Variants in KCNIP4 observed in about 807,000 individuals in gnomAD.
KCNIP4 encodes potassium voltage-gated channel interacting protein 4, also known as Kv channel-interacting protein 4.
A neutral mutation model predicts 34.0 loss-of-function variants in KCNIP4; 12 were observed. That is an observed-to-expected ratio of 0.35 (90% CI 0.23 to 0.57). The LOEUF is 0.57. Among genes scored for constraint, KCNIP4 ranks in the 20% least tolerant of loss-of-function variants. The pLI is 0.83. For synonymous variants in KCNIP4, 124 were observed against 102.2 expected (o/e 1.21, Z -1.29); for missense variants, 238 against 311.7 (o/e 0.76, Z 1.78).
chr4:20,899,015 CA>C (rs1038456525), intron 1 of KCNIP4, among the ~76,000 whole-genome samples: 1 of 151,958 alleles, frequency 6.6e-6, no homozygotes, highest in Non-Finnish European at 1.5e-5. Context: ...AAACTTATTG[CA>C]AAAAAGATTT....
At chr4:21,749,426 CTTTT>C (rs1456460300) in intron 1 of KCNIP4, among the ~76,000 whole-genome samples, 2 of 152,150 alleles carry the variant, frequency 1.3e-5, no homozygotes, top group Non-Finnish European at 2.9e-5. Context: ...CTCCAGTCTT[CTTTT>C]GTGTTCCAAT....
intron 1 of KCNIP4, among the ~76,000 whole-genome samples, chr4:21,883,489 T>C (rs886277987): frequency 2.0e-5 from 3 of 152,046 alleles, no homozygotes; most frequent in Non-Finnish European, 2.9e-5. Flanking sequence ...ATTAGACTGA[T>C]AAAGGTATAT....
chr4:21,463,718 C>A (rs1408232330), intron 1 of KCNIP4, among the ~76,000 whole-genome samples: 3 of 152,080 alleles, frequency 2.0e-5, no homozygotes, highest in Admixed American at 6.6e-5. Context: ...ATAATGCTAG[C>A]TCCTAGAATG....
chr4:21,603,698 TA>T (rs556634917), intron 1 of KCNIP4, among the ~76,000 whole-genome samples: 5,240 of 148,592 alleles, frequency 0.035, 99 homozygotes, highest in South Asian at 0.073. Context: ...GTAGCAATGA[TA>T]AAAAAAAAAA....
intron 1 of KCNIP4, among the ~76,000 whole-genome samples, chr4:21,868,335 T>C (rs1202233250): frequency 3.3e-5 from 5 of 152,208 alleles, no homozygotes; most frequent in Non-Finnish European, 7.3e-5. Flanking sequence ...GCATTTTATA[T>C]GTGTATATTG....
chr4:20,876,572 T>G (rs1265057232), intron 2 of KCNIP4, among the ~76,000 whole-genome samples: 1 of 135,110 alleles, frequency 7.4e-6, no homozygotes, highest in Non-Finnish European at 1.6e-5. Flanking sequence ...GGAAGAAATC[T>G]TTTTTTTTTT....
intron 3 of KCNIP4, among the ~76,000 whole-genome samples, chr4:20,818,553 C>T (rs1262639264): frequency 6.6e-6 from 1 of 152,160 alleles, no homozygotes; most frequent in East Asian, 1.9e-4. Context: ...GACAGAAGCG[C>T]TGTCTAATGA....
chr4:20,923,879 A>G (rs916759040), intron 1 of KCNIP4, among the ~76,000 whole-genome samples: 7 of 152,086 alleles, frequency 4.6e-5, no homozygotes, highest in Non-Finnish European at 8.8e-5. Flanking sequence ...TCAAAGTTCA[A>G]TGGACTCCAG....
intron 1 of KCNIP4, among the ~76,000 whole-genome samples, chr4:21,753,232 G>C (rs965590398): frequency 3.9e-5 from 6 of 152,136 alleles, no homozygotes; most frequent in African/African-American, 7.2e-5. Flanking sequence ...TGAGGTCTTA[G>C]AGAAAAAAAA....
chr4:21,222,245 C>T (rs187555855), intron 1 of KCNIP4, among the ~76,000 whole-genome samples: 46 of 152,162 alleles, frequency 3.0e-4, no homozygotes, highest in Admixed American at 3.9e-4. Flanking sequence ...GTGTTGATCT[C>T]GCACTTTCTG....
At chr4:20,926,226 T>G (rs1211091852) in intron 1 of KCNIP4, among the ~76,000 whole-genome samples, 1 of 152,196 alleles carries the variant, frequency 6.6e-6, no homozygotes, top group Non-Finnish European at 1.5e-5. Flanking sequence ...GTTAAGGCTC[T>G]TCTACACAAC....
intron 1 of KCNIP4, among the ~76,000 whole-genome samples, chr4:21,866,081 C>T (rs573970119): frequency 5.7e-4 from 87 of 152,146 alleles, no homozygotes; most frequent in Non-Finnish European, 1.1e-3. Context: ...ATGATTGCCA[C>T]GGCTGCACTG....
Position 20,931,990 on chromosome 4 carries a change from C to G in KCNIP4, c.62-49281G>C, listed in dbSNP as rs1449147327. 1.2e-4 allele frequency among the ~76,000 whole-genome samples: 6 copies of G among 48,742 alleles called. 2 individuals carry two copies. The highest frequency in any genetic ancestry group is 1.5e-4 in the Non-Finnish European group (4 of 27,414). The allele number at this position is 48,742 out of a possible 152,430, so 32.0% of individuals were successfully genotyped here. ...GTAGACTATAATAGTCTATAACAGTCTAATATTGTAGACTATAATAGTCTA... is the reference window on the plus strand; with the variant it reads ...GTAGACTATAATAGTCTATAACAGTGTAATATTGTAGACTATAATAGTCTA... On this transcript the variant is annotated intron_variant, in intron 1 of 8. Transcript: ENST00000382152.
intron 3 of KCNIP4, 195 bp downstream of exon 3, chr4:20,850,348 C>A: frequency 1.9e-6 from 1 of 525,170 alleles, no homozygotes. Flanking sequence ...TGGGCAATCA[C>A]AGTATGCCAG....
chr4:20,995,361 A>C (rs1387427361), intron 1 of KCNIP4, among the ~76,000 whole-genome samples: 1 of 152,224 alleles, frequency 6.6e-6, no homozygotes, highest in African/African-American at 2.4e-5. Context: ...GCGTTAATGT[A>C]GTTAAAGCAT....
intron 1 of KCNIP4, among the ~76,000 whole-genome samples, chr4:21,311,973 T>C (rs1207949950): frequency 1.3e-5 from 2 of 152,298 alleles, no homozygotes; most frequent in East Asian, 3.9e-4. Flanking sequence ...TAGACTAGTC[T>C]AGTCTTATTT....
chr4:21,783,101 A>G (rs1199181874), intron 1 of KCNIP4, among the ~76,000 whole-genome samples: 1 of 152,186 alleles, frequency 6.6e-6, no homozygotes, highest in African/African-American at 2.4e-5. Flanking sequence ...TGGTGGTAAA[A>G]GAAATCTGCA....
chr4:21,832,289 C>T (rs1723033840), intron 1 of KCNIP4, among the ~76,000 whole-genome samples: 2 of 152,102 alleles, frequency 1.3e-5, no homozygotes, highest in African/African-American at 2.4e-5. Flanking sequence ...CAGTGAAAAG[C>T]TGAGAGCTTA....
chr4:21,456,337 G>A (rs1356384017), intron 1 of KCNIP4, among the ~76,000 whole-genome samples: 2 of 147,586 alleles, frequency 1.4e-5, no homozygotes, highest in African/African-American at 5.3e-5. Flanking sequence ...ACCAGTCTAA[G>A]CACGTTTGAA....
Sources: gnomAD v4.1 joint callset for allele counts (sites outside exome capture counted in the v4.1 genomes callset) on GRCh38, gnomAD v4.1.1 for gene constraint, MANE v1.5 for transcripts, NCBI Gene and HGNC (gene_info 2026-07-23, HGNC 2026-07-21) for gene names.